Variants in ABCA1 observed in about 807,000 individuals in gnomAD.
ABCA1 encodes phospholipid-transporting ATPase ABCA1.
In ABCA1, 133 loss-of-function variants were observed where a neutral mutation model predicts 262.5. The ratio of observed to expected loss-of-function variants is 0.51; its 90% confidence interval spans 0.44 to 0.59. The LOEUF (loss-of-function observed/expected upper bound fraction) is 0.59. ABCA1 is among the 20% of genes least tolerant of loss of function. The pLI, the probability that ABCA1 is intolerant of heterozygous loss-of-function variation, is 0.00. For missense variants in ABCA1, 2,452 were observed against 2,777.5 expected (o/e 0.88, Z 2.63); for synonymous variants, 1,022 against 1,043.5 (o/e 0.98, Z 0.40).
At chr9:104,810,212 T>C (rs1370674400) in intron 29 of ABCA1, among the ~76,000 whole-genome samples, 1 of 149,580 alleles carries the variant, frequency 6.7e-6, no homozygotes, top group African/African-American at 2.4e-5. Flanking sequence ...ACTGACACAG[T>C]TCCCCCATCT....
rs774086840 is a variant in ABCA1 at position 104,837,519 on chromosome 9, G to T, written c.1103C>A (p.Ser368Tyr). The change falls in exon 10 of 50, where the codon TCC becomes TAC. Residue 368 changes from serine to tyrosine, a missense_variant. This residue lies in a region of ABCA1 where 1,032 missense variants were observed against 1,089.7 expected (regional missense o/e 0.95). Coordinates refer to ENST00000374736, the MANE Select transcript of ABCA1 (RefSeq NM_005502.4). Reference protein sequence around the residue: ...LMKNLESSPLSRIIWKALKPL... With the variant: ...LMKNLESSPLYRIIWKALKPL... ...CTTCAGAGCTTTCCAGATAATGCGG[G>T]AAAGAGGACTAGACTCCAAATTCTT... 1.3e-5 allele frequency: 21 copies of T among 1,614,168 alleles called. No individual in the cohort carries two copies. The highest frequency in any genetic ancestry group is 8.3e-5 in the Admixed American group (5 of 60,032).
intron 30 of ABCA1, among the ~76,000 whole-genome samples, chr9:104,809,018 GAGA>G (rs1419676280): frequency 1.3e-5 from 2 of 152,206 alleles, no homozygotes; most frequent in Admixed American, 1.3e-4. Context: ...TATACAATTT[GAGA>G]AGAAGAAAGT....
chr9:104,812,471 C>T (rs535320472), intron 28 of ABCA1, 103 bp downstream of exon 28: 76 of 1,458,722 alleles, frequency 5.2e-5, no homozygotes, highest in South Asian at 4.9e-4. Context: ...AATCTGGCTC[C>T]GGCATCCATA....
intron 7 of ABCA1, among the ~76,000 whole-genome samples, chr9:104,852,365 G>A (rs1472477544): frequency 6.6e-6 from 1 of 152,062 alleles, no homozygotes; most frequent in African/African-American, 2.4e-5. Flanking sequence ...CATTTCTAAG[G>A]AATATTCTAA....
chr9:104,846,600 G>A (rs1166457790), intron 7 of ABCA1, among the ~76,000 whole-genome samples: 2 of 152,150 alleles, frequency 1.3e-5, no homozygotes, highest in African/African-American at 4.8e-5. Flanking sequence ...AATTCCAAAT[G>A]CAGAAGGGAT....
rs759299463 is a variant in ABCA1 at position 104,861,804 on chromosome 9, T to C, written c.422-4A>G. The C allele has an allele frequency of 2.5e-6, 4 of 1,612,018 alleles. No individual in the cohort carries two copies. Among genetic ancestry groups the C allele is most frequent in the Admixed American group, 3.3e-5 (2 of 59,906 alleles). On this transcript the variant is annotated splice_region_variant and splice_polypyrimidine_tract_variant and intron_variant, in intron 5 of 49. Transcript: ENST00000374736. The stretch of plus-strand genomic sequence containing the variant: ...AGGAAATCTTGAAGCTTCAAGTCTA[T>C]TGAGAAATAGTGTTTTATTTTTATT...
At chr9:104,862,634 C>A (rs10820740) in intron 5 of ABCA1, among the ~76,000 whole-genome samples, 14 of 62,140 alleles carry the variant, frequency 2.3e-4, no homozygotes, top group Non-Finnish European at 4.1e-4. Flanking sequence ...TGCAGACTGC[C>A]GGGCCGGGCC....
At chr9:104,897,336 G>T (rs528491394) in intron 2 of ABCA1, among the ~76,000 whole-genome samples, 1 of 152,232 alleles carries the variant, frequency 6.6e-6, no homozygotes, top group East Asian at 1.9e-4. Context: ...CATCTGATCA[G>T]ACACTTCAAG....
At position 104,816,256 on chromosome 9, in the gene ABCA1, GCAGCACATAGGT is replaced by G; in HGVS notation, c.3613_3624del (p.Thr1205_Leu1208del). 6.2e-7 allele frequency: 1 copy of G among 1,614,114 alleles called. No individual in the cohort carries two copies. On this transcript the variant is annotated inframe_deletion, in exon 25 of 50. Coordinates refer to ENST00000374736, the MANE Select transcript of ABCA1 (RefSeq NM_005502.4). ...GCTCCCTCCTTAGCAGCTTCATATGGCAGCACATAGGTCAGCTCATGCCCTATGTCTTCCACC... is the reference window on the plus strand; with the variant it reads ...GCTCCCTCCTTAGCAGCTTCATATGGCAGCTCATGCCCTATGTCTTCCACC...
chr9:104,813,984 T>C, intron 27 of ABCA1, 134 bp downstream of exon 27: 1 of 903,326 alleles, frequency 1.1e-6, no homozygotes, highest in Non-Finnish European at 1.8e-6. Flanking sequence ...GCTTTTACCA[T>C]TTCCTCACTT....
At chr9:104,901,303 G>C (rs1840649264) in intron 2 of ABCA1, among the ~76,000 whole-genome samples, 1 of 152,186 alleles carries the variant, frequency 6.6e-6, no homozygotes, top group Non-Finnish European at 1.5e-5. Flanking sequence ...TTGCAGCTCA[G>C]TTGCTGGCTG....
At chr9:104,789,300 T>C (rs977097218) in intron 44 of ABCA1, among the ~76,000 whole-genome samples, 5 of 152,192 alleles carry the variant, frequency 3.3e-5, no homozygotes, top group Admixed American at 1.3e-4. Flanking sequence ...AACCTTACTA[T>C]GGGCTGGTTA....
intron 34 of ABCA1, 39 bp downstream of exon 34, chr9:104,802,015 T>A (rs1427885868): frequency 6.3e-7 from 1 of 1,581,850 alleles, no homozygotes; most frequent in Admixed American, 1.7e-5. Flanking sequence ...AGCAGCTACA[T>A]GCCCATTTTT....
intron 32 of ABCA1, among the ~76,000 whole-genome samples, chr9:104,804,042 C>A (rs1443315551): frequency 3.9e-5 from 6 of 152,228 alleles, no homozygotes; most frequent in African/African-American, 1.4e-4. Flanking sequence ...ATACTCCTAA[C>A]TGAAAGACCC....
intron 1 of ABCA1, among the ~76,000 whole-genome samples, chr9:104,921,163 A>G (rs1461393325): frequency 6.6e-6 from 1 of 152,218 alleles, no homozygotes; most frequent in East Asian, 1.9e-4. Context: ...AACTACTAAA[A>G]AGTTCTTCCT....
chr9:104,839,061 T>C (rs951083636), intron 9 of ABCA1, among the ~76,000 whole-genome samples: 1 of 152,166 alleles, frequency 6.6e-6, no homozygotes, highest in Non-Finnish European at 1.5e-5. Flanking sequence ...AAGACACACC[T>C]GTGGTTGGAA....
At chr9:104,862,663 CCGGGCCGGGCCGGGCCGG>C (rs1836639426) in intron 5 of ABCA1, among the ~76,000 whole-genome samples, 2 of 6,648 alleles carry the variant, frequency 3.0e-4, no homozygotes, top group Admixed American at 8.3e-4. Context: ...CCGGGCCGGG[CCGGGCCGGGCCGGGCCGG>C]GCCGGGCCGG....
chr9:104,907,803 C>T (rs1010696168), intron 1 of ABCA1, among the ~76,000 whole-genome samples: 1 of 152,194 alleles, frequency 6.6e-6, no homozygotes, highest in Non-Finnish European at 1.5e-5. Flanking sequence ...GTCGACTTCC[C>T]GCCCGTCCTC....
intron 5 of ABCA1, among the ~76,000 whole-genome samples, chr9:104,865,142 G>A (rs932306734): frequency 1.3e-5 from 2 of 152,174 alleles, no homozygotes; most frequent in Non-Finnish European, 2.9e-5. Context: ...GCAACATGGT[G>A]TAGTATACTG....
Sources: allele counts gnomAD v4.1 joint callset (sites outside exome capture counted in the v4.1 genomes callset), GRCh38; gene constraint gnomAD v4.1.1; regional missense constraint gnomAD v4.1.1; transcripts MANE v1.5; gene names NCBI Gene and HGNC (gene_info 2026-07-23, HGNC 2026-07-21).